The following ATG4C variants were observed in gnomAD, a reference collection of about 807,000 sequenced individuals.
ATG4C encodes autophagy related 4C cysteine peptidase.
ATG4C carries 56 observed loss-of-function variants against 57.6 expected under a neutral mutation model. The observed-to-expected ratio is 0.97, with a 90% CI of 0.78 to 1.21. The LOEUF is 1.21. Among genes scored for constraint, ATG4C ranks in the 50% most tolerant of loss-of-function variants. ATG4C has a pLI of 0.00. For synonymous variants in ATG4C, 157 were observed against 174.1 expected, an observed-to-expected ratio of 0.90 and a Z score of 0.78; for missense variants, 595 against 529.8, an observed-to-expected ratio of 1.12 and a Z score of -1.21.
At position 62,805,225 on chromosome 1, in the gene ATG4C, C is replaced by A. The variant is rs143982322; in HGVS notation, c.130C>A (p.Leu44Ile). 121 of 1,504,588 alleles carry A rather than the reference C, an allele frequency of 8.0e-5. No individual in the cohort carries two copies. The African/African-American group carries it at 1.7e-3, about 21-fold the overall frequency. 93.2% of individuals were successfully genotyped at this position (1,504,588 alleles called of 1,614,324 possible). ...TAGTAGAAATTCTCCTGTATTATTG[C>A]TTGGAAAATGTTACCATTTTAAATA... ...YFSRNSPVLL[L>I]GKCYHFKYED... Residue 44 changes from leucine (L) to isoleucine (I), a missense_variant, in exon 3 of 11, where the codon CTT becomes ATT. Leu to Ile is a conservative substitution (Grantham distance 5). Coordinates refer to ENST00000317868, the MANE Select transcript of ATG4C (RefSeq NM_032852.4).
At chr1:62,801,830 C>T (rs111647569) in intron 1 of ATG4C, among the ~76,000 whole-genome samples, 14 of 150,608 alleles carry the variant, frequency 9.3e-5, no homozygotes, top group Non-Finnish European at 1.5e-4. Context: ...TGGTGGCAGG[C>T]GCCTGGAGTC....
At chr1:62,789,654 A>AT (rs779930898) in intron 1 of ATG4C, among the ~76,000 whole-genome samples, 14 of 150,670 alleles carry the variant, frequency 9.3e-5, no homozygotes, top group Non-Finnish European at 1.3e-4. Context: ...TCTACTAAAA[A>AT]ATAAAAAAAC....
chr1:62,799,907 C>G (rs1394699078), intron 1 of ATG4C, among the ~76,000 whole-genome samples: 3 of 151,512 alleles, frequency 2.0e-5, no homozygotes, highest in Non-Finnish European at 4.4e-5. Flanking sequence ...CCATTCCCAC[C>G]TCTCCCCAAC....
chr1:62,823,441 A>T (rs1177541389), intron 6 of ATG4C, among the ~76,000 whole-genome samples: 1 of 152,176 alleles, frequency 6.6e-6, no homozygotes, highest in Non-Finnish European at 1.5e-5. Context: ...AATGTTCCTG[A>T]AATCTGTTCT....
At chr1:62,800,203 G>T (rs1664612156) in intron 1 of ATG4C, among the ~76,000 whole-genome samples, 1 of 152,040 alleles carries the variant, frequency 6.6e-6, no homozygotes, top group African/African-American at 2.4e-5. Context: ...CTTTCTTTCA[G>T]ACTTAGAAAG....
chr1:62,820,498 A>G (rs897838182), intron 5 of ATG4C, among the ~76,000 whole-genome samples: 2 of 152,152 alleles, frequency 1.3e-5, no homozygotes, highest in Non-Finnish European at 1.5e-5. Flanking sequence ...GATTACATAT[A>G]TAGTTAAATA....
At chr1:62,815,352 A>T (rs2100311925) in intron 3 of ATG4C, among the ~76,000 whole-genome samples, 1 of 152,174 alleles carries the variant, frequency 6.6e-6, no homozygotes, top group Admixed American at 6.5e-5. Flanking sequence ...CCTTCAAGTG[A>T]TATACCAAGA....
intron 10 of ATG4C, among the ~76,000 whole-genome samples, chr1:62,843,733 C>T (rs534635283): frequency 2.0e-4 from 31 of 152,272 alleles, no homozygotes; most frequent in African/African-American, 7.2e-4. Context: ...ATCTGCATAA[C>T]TATCATATAC....
chr1:62,821,985 G>A (rs1054492385), intron 6 of ATG4C, among the ~76,000 whole-genome samples: 3 of 152,018 alleles, frequency 2.0e-5, no homozygotes, highest in Admixed American at 1.3e-4. Context: ...TGCTCAAAAA[G>A]TTTTAGATTT....
At chr1:62,800,546 T>C (rs1383766917) in intron 1 of ATG4C, among the ~76,000 whole-genome samples, 1 of 152,366 alleles carries the variant, frequency 6.6e-6, no homozygotes, top group East Asian at 1.9e-4. Context: ...ATCATGTGGA[T>C]GCACTATATA....
intron 3 of ATG4C, among the ~76,000 whole-genome samples, chr1:62,815,246 C>A (rs996448701): frequency 2.7e-5 from 4 of 150,576 alleles, no homozygotes; most frequent in Admixed American, 2.0e-4. Flanking sequence ...TTATCATTCT[C>A]TTTTATCTCT....
At chr1:62,834,892 T>A (rs1557983319) in intron 9 of ATG4C, 40 bp downstream of exon 9, 2 of 1,501,866 alleles carry the variant, frequency 1.3e-6, no homozygotes, top group Admixed American at 1.7e-5. Flanking sequence ...TCTTACCATA[T>A]GAAGTAAACT....
chr1:62,802,626 A>G (rs931929815), intron 1 of ATG4C, among the ~76,000 whole-genome samples: 9 of 152,204 alleles, frequency 5.9e-5, no homozygotes, highest in African/African-American at 1.7e-4. Context: ...GAATCTGGTT[A>G]TGATATTCCT....
At chr1:62,793,992 G>A (rs1016534905) in intron 1 of ATG4C, among the ~76,000 whole-genome samples, 5 of 152,186 alleles carry the variant, frequency 3.3e-5, no homozygotes, top group African/African-American at 1.2e-4. Context: ...ACTTATCAGA[G>A]GTTACTAAGA....
chr1:62,802,260 G>A (rs1158333131), intron 1 of ATG4C, among the ~76,000 whole-genome samples: 2 of 151,730 alleles, frequency 1.3e-5, no homozygotes, highest in African/African-American at 4.8e-5. Context: ...CATCTTCACT[G>A]CTCCAGTCCA....
intron 10 of ATG4C, among the ~76,000 whole-genome samples, chr1:62,853,359 C>T (rs1354406766): frequency 1.3e-5 from 2 of 152,120 alleles, no homozygotes; most frequent in South Asian, 2.1e-4. Context: ...TAATAGCCAC[C>T]GTTCTCTGTA....
intron 7 of ATG4C, among the ~76,000 whole-genome samples, chr1:62,832,048 A>G (rs980803519): frequency 7.9e-5 from 12 of 152,278 alleles, no homozygotes; most frequent in Non-Finnish European, 1.5e-4. Context: ...GGCACTCTCT[A>G]ATTGTATTAA....
chr1:62,818,998 A>G lies in ATG4C; in HGVS notation c.395-7A>G, dbSNP rs752911346. The G allele has an allele frequency of 1.3e-6, 2 of 1,528,894 alleles. No individual in the cohort carries two copies. Among genetic ancestry groups the G allele is most frequent in the South Asian group, 1.3e-5 (1 of 75,506 alleles). The allele number at this position is 1,528,894 out of a possible 1,614,324, so 94.7% of individuals were successfully genotyped here. ...GATCTGAACACTTTGCTTTGGAACT[A>G]CTATAGCTTGGACCTGGCCTGATGC... On this transcript the variant is annotated splice_polypyrimidine_tract_variant and splice_region_variant and intron_variant, in intron 4 of 10. Transcript: ENST00000317868.
intron 1 of ATG4C, among the ~76,000 whole-genome samples, chr1:62,791,257 G>A (rs2100277111): frequency 6.6e-6 from 1 of 152,230 alleles, no homozygotes. Context: ...CTCCCTCAGT[G>A]CCTTGTAGGA....
Sources: allele counts gnomAD v4.1 joint callset (sites outside exome capture counted in the v4.1 genomes callset), GRCh38; gene constraint gnomAD v4.1.1; transcripts MANE v1.5; gene names NCBI Gene and HGNC (gene_info 2026-07-23, HGNC 2026-07-21).